FAM78B: variants seen among roughly 807,000 people sequenced by gnomAD.
The protein encoded by FAM78B is family with sequence similarity 78 member B, also known as protein FAM78B.
A neutral mutation model predicts 20.0 loss-of-function variants in FAM78B; 10 were observed. The observed-to-expected ratio is 0.50, with a 90% CI of 0.31 to 0.85. The LOEUF is 0.85. Among genes scored for constraint, FAM78B ranks in the 40% least tolerant of loss-of-function variants. The pLI, the probability that FAM78B is intolerant of heterozygous loss-of-function variation, is 0.05. For missense variants in FAM78B, 283 were observed against 345.0 expected (o/e 0.82, Z 1.42); for synonymous variants, 135 against 132.8 (o/e 1.02, Z -0.12).
chr1:166,114,729 A>T (rs1006044527), intron 1 of FAM78B, among the ~76,000 whole-genome samples: 2 of 152,214 alleles, frequency 1.3e-5, no homozygotes, highest in African/African-American at 4.8e-5. Flanking sequence ...GAAGATGAGG[A>T]GCCTTCCCAG....
chr1:166,130,237 A>G (rs939206788), intron 1 of FAM78B, among the ~76,000 whole-genome samples: 1 of 152,240 alleles, frequency 6.6e-6, no homozygotes. Flanking sequence ...GAAAAGGACA[A>G]ACTTACCTGA....
At chr1:166,055,966 G>T (rs985662507), downstream of FAM78B, among the ~76,000 whole-genome samples, 1 of 152,130 alleles carries the variant, frequency 6.6e-6, no homozygotes, top group Non-Finnish European at 1.5e-5. Flanking sequence ...AATGAACTAA[G>T]AAAAAAGTGC....
At chr1:166,078,956 G>T (rs6680043) in intron 1 of FAM78B, among the ~76,000 whole-genome samples, 1 of 148,738 alleles carries the variant, frequency 6.7e-6, no homozygotes, top group East Asian at 2.0e-4. Flanking sequence ...TTTAGAGATG[G>T]GGTCTCACTC....
At chr1:166,064,335 A>T (rs1429997689), downstream of FAM78B, among the ~76,000 whole-genome samples, 4 of 152,004 alleles carry the variant, frequency 2.6e-5, no homozygotes, top group African/African-American at 7.3e-5. Context: ...TAAAACTTTG[A>T]ATATATATAT....
At chr1:166,161,184 G>A (rs903338544) in intron 1 of FAM78B, among the ~76,000 whole-genome samples, 30 of 151,342 alleles carry the variant, frequency 2.0e-4, no homozygotes, top group Middle Eastern at 3.4e-3. Flanking sequence ...ACAGACTCTC[G>A]CTCTGTCAGC....
At chr1:166,156,045 T>G (rs1655880392) in intron 1 of FAM78B, among the ~76,000 whole-genome samples, 2 of 152,174 alleles carry the variant, frequency 1.3e-5, no homozygotes, top group South Asian at 4.1e-4. Flanking sequence ...GATTTACCGC[T>G]TCCCATTAGC....
chr1:166,145,699 T>G (rs1415112317), intron 1 of FAM78B, among the ~76,000 whole-genome samples: 1 of 152,220 alleles, frequency 6.6e-6, no homozygotes, highest in Non-Finnish European at 1.5e-5. Context: ...AGACACATTT[T>G]TGGCATCAAA....
intron 1 of FAM78B, among the ~76,000 whole-genome samples, chr1:166,093,280 A>C (rs1362084831): frequency 6.6e-6 from 1 of 152,202 alleles, no homozygotes; most frequent in Non-Finnish European, 1.5e-5. Flanking sequence ...AGACATGGCC[A>C]AGTCATGTCT....
rs185615363 is a variant in FAM78B, at chr1:166,061,631, C to T, written c.*410-968G>A. On this transcript the variant is annotated intron_variant and NMD_transcript_variant, in intron 2 of 2. Transcript: ENST00000435676. ...GCGCCATTACATATATAATTGGGGA[C>T]GTAACAGCCTAGAAGCCATTCTAGA... Among the ~76,000 whole-genome samples, 292 of 152,264 alleles carry T rather than the reference C, an allele frequency of 1.9e-3. 2 individuals carry two copies. The highest frequency in any genetic ancestry group is 3.6e-3 in the Admixed American group (55 of 15,294).
rs534210058 is a variant in FAM78B, at chr1:166,102,523, C to A, written c.264-31760G>T. Among the ~76,000 whole-genome samples, 6 of 152,040 alleles carry A rather than the reference C, an allele frequency of 3.9e-5. No homozygotes were observed. In the East Asian group the frequency reaches 1.2e-3, roughly 29 times the overall value. ...AAGGGATGGAGGAAGATCTACCAAG[C>A]AAATGGAAAACAAAAAAAGGCAGGG... On this transcript the variant is annotated intron_variant, in intron 1 of 1. Transcript: ENST00000354422.
intron 1 of FAM78B, among the ~76,000 whole-genome samples, chr1:166,126,491 G>A (rs1405426086): frequency 2.0e-5 from 3 of 152,252 alleles, no homozygotes; most frequent in Non-Finnish European, 4.4e-5. Context: ...GTCCAGGTAG[G>A]CCTCACTGAG....
intron 1 of FAM78B, among the ~76,000 whole-genome samples, chr1:166,135,437 T>C (rs1408049605): frequency 6.6e-6 from 1 of 152,222 alleles, no homozygotes; most frequent in Non-Finnish European, 1.5e-5. Context: ...ATCCTGATGA[T>C]GATTCACATC....
At chr1:166,131,701 G>T (rs1654884759) in intron 1 of FAM78B, among the ~76,000 whole-genome samples, 1 of 152,148 alleles carries the variant, frequency 6.6e-6, no homozygotes, top group Non-Finnish European at 1.5e-5. Flanking sequence ...ATGTCATTGG[G>T]GTTCAGGACA....
Position 166,070,751 on chromosome 1 carries a change from T to C in FAM78B, c.276A>G (p.Glu92=). Residue 92 remains glutamate, a synonymous_variant, in exon 2 of 2, where the codon GAA becomes GAG. Transcript: ENST00000354422. ...TYSDLGMSSW[E]LPDLREGRVK... ...CTCTCCCTTCCCTCAAGTCAGGCAG[T>C]TCCCAGCTTGACCTGGCAAAGCAGA... 6.4e-7 allele frequency: 1 copy of C among 1,562,554 alleles called. No homozygotes were observed.
chr1:166,106,032 A>C (rs1571166953), intron 1 of FAM78B, among the ~76,000 whole-genome samples: 1 of 152,082 alleles, frequency 6.6e-6, no homozygotes. Flanking sequence ...AGCCATAAAA[A>C]ATGATGAGTT....
intron 1 of FAM78B, among the ~76,000 whole-genome samples, chr1:166,111,139 T>C (rs1654036453): frequency 6.6e-6 from 1 of 152,152 alleles, no homozygotes; most frequent in Non-Finnish European, 1.5e-5. Flanking sequence ...AACACTAGCA[T>C]AGACTTGGCC....
In FAM78B at chr1:166,077,567, A is replaced by C. The variant is rs148997541; in HGVS notation, c.264-6804T>G. On this transcript the variant is annotated intron_variant, in intron 1 of 1. Transcript: ENST00000354422. ...TACAGCACACAATGTCTCTCTCTCTATATATAATTTATATATATAAAATAC... is the reference window on the plus strand; with the variant it reads ...TACAGCACACAATGTCTCTCTCTCTCTATATAATTTATATATATAAAATAC... 1.4e-3 allele frequency among the ~76,000 whole-genome samples: 199 copies of C among 146,142 alleles called. 2 individuals carry two copies. The Middle Eastern group carries it at 0.014, about 11-fold the overall frequency.
chr1:166,080,758 C>T (rs910347405), intron 1 of FAM78B, among the ~76,000 whole-genome samples: 3 of 152,224 alleles, frequency 2.0e-5, no homozygotes, highest in African/African-American at 4.8e-5. Flanking sequence ...TCTCATGTTC[C>T]GTGTCATTGC....
At chr1:166,123,370 C>T (rs1330080509) in intron 1 of FAM78B, among the ~76,000 whole-genome samples, 1 of 152,256 alleles carries the variant, frequency 6.6e-6, no homozygotes, top group African/African-American at 2.4e-5. Context: ...AGGTCAACCC[C>T]TCTTCTCCAT....
Sources: allele counts gnomAD v4.1 joint callset (sites outside exome capture counted in the v4.1 genomes callset), GRCh38; gene constraint gnomAD v4.1.1; transcripts MANE v1.5; gene names NCBI Gene and HGNC (gene_info 2026-07-23, HGNC 2026-07-21).